Variants in UNC5C observed in about 807,000 individuals in gnomAD.
The protein encoded by UNC5C is unc-5 netrin receptor C, also known as netrin receptor UNC5C.
Under a neutral mutation model 99.8 loss-of-function variants are expected in UNC5C, and 47 were observed. The observed-to-expected ratio is 0.47, with a 90% CI of 0.37 to 0.60. UNC5C has a LOEUF of 0.60. UNC5C is among the 20% of genes least tolerant of loss of function. UNC5C has a pLI of 0.00. For missense variants in UNC5C, 1,062 were observed against 1,165.9 expected (o/e 0.91, Z 1.30); for synonymous variants, 487 against 452.2 (o/e 1.08, Z -0.98).
chr4:95,396,109 C>A (rs1329877517), intron 1 of UNC5C, among the ~76,000 whole-genome samples: 8 of 152,042 alleles, frequency 5.3e-5, no homozygotes, highest in Non-Finnish European at 8.8e-5. Context: ...TAGAATAAAC[C>A]CAGAGGATAT....
intron 2 of UNC5C, among the ~76,000 whole-genome samples, chr4:95,332,234 T>C (rs1743141708): frequency 6.6e-6 from 1 of 151,840 alleles, no homozygotes. Flanking sequence ...AAAGTTCATA[T>C]TGAACCAAAA....
At chr4:95,403,684 A>G (rs1373049578) in intron 1 of UNC5C, among the ~76,000 whole-genome samples, 1 of 152,178 alleles carries the variant, frequency 6.6e-6, no homozygotes, top group African/African-American at 2.4e-5. Context: ...GTCCATCTCT[A>G]TCTGGCTTAC....
intron 1 of UNC5C, among the ~76,000 whole-genome samples, chr4:95,462,017 T>A (rs1747616752): frequency 6.6e-6 from 1 of 152,218 alleles, no homozygotes; most frequent in Non-Finnish European, 1.5e-5. Context: ...AATCCTTTCC[T>A]CAATCAAGTT....
chr4:95,171,850 C>A (rs1255088360), intron 14 of UNC5C, among the ~76,000 whole-genome samples: 1 of 151,962 alleles, frequency 6.6e-6, no homozygotes, highest in Non-Finnish European at 1.5e-5. Context: ...TTTACAGTCC[C>A]ACCAACAGTG....
chr4:95,197,980 C>CT (rs1211335596), intron 12 of UNC5C, among the ~76,000 whole-genome samples: 6,710 of 119,914 alleles, frequency 0.056, 257 homozygotes, highest in Non-Finnish European at 0.076. Context: ...GAGCCTCTCC[C>CT]TTTTTTTTTT....
At chr4:95,270,731 C>T (rs945529102) in intron 4 of UNC5C, among the ~76,000 whole-genome samples, 1 of 152,030 alleles carries the variant, frequency 6.6e-6, no homozygotes, top group Admixed American at 6.6e-5. Context: ...ATAAAATAAC[C>T]AAAACCTAAA....
In UNC5C at chr4:95,184,919, A is replaced by C. The variant is rs1736769737; in HGVS notation, c.2286+128T>G. On this transcript the variant is annotated intron_variant, in intron 13 of 15. Coordinates refer to ENST00000453304, the MANE Select transcript of UNC5C (RefSeq NM_003728.4). ...TTCTCAAAAATCCTAAATAACCCCAAACTATTTTGGAGAAACAAGTAATGA... is the reference window on the plus strand; with the variant it reads ...TTCTCAAAAATCCTAAATAACCCCACACTATTTTGGAGAAACAAGTAATGA... 5 of 1,107,956 alleles carry C rather than the reference A, an allele frequency of 4.5e-6. No individual in the cohort carries two copies. The Admixed American group carries it at 1.2e-4, about 26-fold the overall frequency. 68.6% of individuals were successfully genotyped at this position (1,107,956 alleles called of 1,614,324 possible).
chr4:95,179,576 GTC>G (rs1736520507), intron 14 of UNC5C, among the ~76,000 whole-genome samples: 1 of 151,934 alleles, frequency 6.6e-6, no homozygotes, highest in Non-Finnish European at 1.5e-5. Context: ...GTGAAACCCT[GTC>G]TCTACTAACA....
intron 1 of UNC5C, among the ~76,000 whole-genome samples, chr4:95,362,108 T>C (rs567727842): frequency 4.6e-5 from 7 of 152,238 alleles, no homozygotes; most frequent in Admixed American, 4.6e-4. Flanking sequence ...GAGCCCTAGT[T>C]TCAACACCTG....
intron 14 of UNC5C, among the ~76,000 whole-genome samples, chr4:95,176,049 T>C (rs1736327964): frequency 6.6e-6 from 1 of 151,708 alleles, no homozygotes; most frequent in Admixed American, 6.6e-5. Flanking sequence ...TCCTGAGGCT[T>C]CTGCATTCTT....
intron 2 of UNC5C, among the ~76,000 whole-genome samples, chr4:95,324,286 A>G (rs1306578504): frequency 6.6e-6 from 1 of 152,126 alleles, no homozygotes; most frequent in African/African-American, 2.4e-5. Context: ...CAAGGGATAT[A>G]GGTTGCATGC....
intron 1 of UNC5C, among the ~76,000 whole-genome samples, chr4:95,399,313 G>A (rs542211680): frequency 3.3e-5 from 5 of 152,250 alleles, no homozygotes; most frequent in African/African-American, 9.6e-5. Flanking sequence ...GAGACTACCT[G>A]GGAAATACTG....
At chr4:95,446,811 A>T (rs893807736) in intron 1 of UNC5C, among the ~76,000 whole-genome samples, 4 of 151,146 alleles carry the variant, frequency 2.6e-5, no homozygotes, top group South Asian at 4.4e-4. Context: ...ATTTTCTGCG[A>T]TTATCTGGTT....
At chr4:95,507,665 A>G (rs1721960862) in intron 1 of UNC5C, among the ~76,000 whole-genome samples, 1 of 152,000 alleles carries the variant, frequency 6.6e-6, no homozygotes, top group Admixed American at 6.6e-5. Flanking sequence ...TTGGTGCTGA[A>G]GACTCCAAGT....
intron 1 of UNC5C, among the ~76,000 whole-genome samples, chr4:95,393,621 T>C (rs1745421532): frequency 6.6e-6 from 1 of 152,218 alleles, no homozygotes; most frequent in Non-Finnish European, 1.5e-5. Context: ...TGACTGTAGA[T>C]GTTATTTCTA....
chr4:95,401,781 G>A (rs567730794), intron 1 of UNC5C, among the ~76,000 whole-genome samples: 366 of 152,316 alleles, frequency 2.4e-3, no homozygotes, highest in Non-Finnish European at 3.2e-3. Context: ...GCAGAGTTGT[G>A]TGATATACTT....
At chr4:95,203,556 G>GTGCCCTAGGCCCAAGTGA (rs1284130028) in intron 11 of UNC5C, among the ~76,000 whole-genome samples, 1 of 151,992 alleles carries the variant, frequency 6.6e-6, no homozygotes, top group Non-Finnish European at 1.5e-5. Context: ...TGCAACCTCC[G>GTGCCCTAGGCCCAAGTGA]TCCCCTAGGC....
chr4:95,480,205 A>G (rs1721092423), intron 1 of UNC5C, among the ~76,000 whole-genome samples: 1 of 149,760 alleles, frequency 6.7e-6, no homozygotes, highest in Non-Finnish European at 1.5e-5. Context: ...ATATATATGT[A>G]TACACAAGTA....
rs1292294920 is a variant in UNC5C, at chr4:95,166,205, T to A, written c.*3029A>T. 6.6e-6 allele frequency: 1 copy of A among 152,208 alleles called. No homozygotes were observed. The highest frequency in any genetic ancestry group is 1.5e-5 in the Non-Finnish European group (1 of 68,040). The allele number at this position is 152,208 out of a possible 1,614,324, so 9.4% of individuals were successfully genotyped here. A position where few individuals can be genotyped will look rare whatever the true frequency, so the allele number is the denominator to read the frequency against. ...TCCAGCGGTGTAGAAAGAAGCAGGATGTATCACATAGAATGGTTGATGAAG... is the reference window on the plus strand; with the variant it reads ...TCCAGCGGTGTAGAAAGAAGCAGGAAGTATCACATAGAATGGTTGATGAAG... On this transcript the variant is annotated 3_prime_UTR_variant, in exon 16 of 16. Transcript: ENST00000453304.
Sources: allele counts gnomAD v4.1 joint callset (sites outside exome capture counted in the v4.1 genomes callset), GRCh38; gene constraint gnomAD v4.1.1; transcripts MANE v1.5; gene names NCBI Gene and HGNC (gene_info 2026-07-23, HGNC 2026-07-21).